The following GPM6A variants were observed in gnomAD, a reference collection of about 807,000 sequenced individuals.
GPM6A encodes neuronal membrane glycoprotein M6-a.
Under a neutral mutation model 32.1 loss-of-function variants are expected in GPM6A, and 7 were observed. That is an observed-to-expected ratio of 0.22 (90% confidence interval 0.12 to 0.41). The LOEUF is 0.41. GPM6A is among the 10% of genes least tolerant of loss of function. The probability of loss-of-function intolerance (pLI) is 1.00; values close to 1 mark genes in which losing one functional copy is unlikely to be tolerated. For missense variants in GPM6A, 235 were observed against 347.2 expected, an observed-to-expected ratio of 0.68 and a Z score of 2.57; for synonymous variants, 130 against 123.4, an observed-to-expected ratio of 1.05 and a Z score of -0.35.
rs537068185 is a variant in GPM6A, at chr4:175,822,263, T to C, written c.-22-10014A>G. Among the ~76,000 whole-genome samples, 7 of 152,306 alleles carry C rather than the reference T, an allele frequency of 4.6e-5. 1 individual carries two copies. In the South Asian group the frequency reaches 8.3e-4, roughly 18 times the overall value. On this transcript the variant is annotated intron_variant, in intron 1 of 7. Coordinates refer to the GPM6A transcript ENST00000280187. ...ACAGAGAATTGGTCATGATATGTAA[T>C]TGCTTTAATTTCAATTTAATATTTT...
At chr4:175,994,214 A>G (rs564568010) in intron 1 of GPM6A, among the ~76,000 whole-genome samples, 4 of 152,328 alleles carry the variant, frequency 2.6e-5, no homozygotes, top group South Asian at 2.1e-4. Context: ...AACATCACCC[A>G]AGAAGGCTGA....
intron 1 of GPM6A, among the ~76,000 whole-genome samples, chr4:175,919,665 C>T (rs6818081): frequency 0.15 from 22,994 of 152,090 alleles, 1,835 homozygotes; most frequent in African/African-American, 0.18. Flanking sequence ...CATCCATTCT[C>T]TCCTTCTCTC....
intron 1 of GPM6A, among the ~76,000 whole-genome samples, chr4:175,734,577 A>T (rs1170914919): frequency 6.6e-6 from 1 of 152,110 alleles, no homozygotes; most frequent in Non-Finnish European, 1.5e-5. Flanking sequence ...TAAAAAAAAA[A>T]AATGCTATAT....
At chr4:175,825,169 T>A (rs1178566690) in intron 1 of GPM6A, among the ~76,000 whole-genome samples, 1 of 152,194 alleles carries the variant, frequency 6.6e-6, no homozygotes, top group East Asian at 1.9e-4. Flanking sequence ...TAAAAACCAT[T>A]ATCCTTAAAA....
At chr4:175,837,958 T>C (rs1259382359) in intron 1 of GPM6A, among the ~76,000 whole-genome samples, 1 of 151,996 alleles carries the variant, frequency 6.6e-6, no homozygotes. Context: ...GTACAACTTT[T>C]GAATAAAATC....
chr4:175,736,919 T>G (rs79419353), intron 1 of GPM6A, among the ~76,000 whole-genome samples: 6,753 of 152,274 alleles, frequency 0.044, 192 homozygotes, highest in Non-Finnish European at 0.063. Context: ...TCACATATCT[T>G]TGGTGATGCT....
chr4:175,688,189 T>A (rs1744099271), intron 2 of GPM6A, among the ~76,000 whole-genome samples: 1 of 152,206 alleles, frequency 6.6e-6, no homozygotes, highest in Admixed American at 6.5e-5. Flanking sequence ...GCACAGAAGC[T>A]TTTCAGCTCC....
chr4:175,722,602 G>A (rs1746197296), intron 1 of GPM6A, among the ~76,000 whole-genome samples: 1 of 152,010 alleles, frequency 6.6e-6, no homozygotes, highest in Non-Finnish European at 1.5e-5. Context: ...TTACCAACCT[G>A]TGAGTGGACC....
At chr4:175,806,657 A>G (rs1325195475) in intron 1 of GPM6A, among the ~76,000 whole-genome samples, 1 of 152,230 alleles carries the variant, frequency 6.6e-6, no homozygotes, top group Non-Finnish European at 1.5e-5. Context: ...ACGAATATCT[A>G]TTGAACTTTA....
intron 1 of GPM6A, among the ~76,000 whole-genome samples, chr4:175,861,534 T>C (rs1182495295): frequency 6.6e-6 from 1 of 151,434 alleles, no homozygotes; most frequent in Non-Finnish European, 1.5e-5. Context: ...GGCAAATCAC[T>C]TGAGGTCAAG....
intron 1 of GPM6A, among the ~76,000 whole-genome samples, chr4:175,715,970 C>T (rs1745822129): frequency 6.6e-6 from 1 of 152,068 alleles, no homozygotes; most frequent in African/African-American, 2.4e-5. Flanking sequence ...GAGGCTGAGG[C>T]AGGAGAATAG....
intron 4 of GPM6A, among the ~76,000 whole-genome samples, chr4:175,645,185 T>A (rs947543370): frequency 6.6e-5 from 10 of 152,110 alleles, no homozygotes; most frequent in African/African-American, 2.4e-4. Context: ...AGGGAGGACT[T>A]GATGCATGAA....
intron 1 of GPM6A, among the ~76,000 whole-genome samples, chr4:175,946,719 C>T (rs961313473): frequency 2.0e-5 from 3 of 152,046 alleles, no homozygotes; most frequent in East Asian, 1.9e-4. Context: ...CAGGGCAGGA[C>T]GATGCCAGGC....
intron 1 of GPM6A, among the ~76,000 whole-genome samples, chr4:175,824,469 C>T (rs1735372569): frequency 6.6e-6 from 1 of 152,158 alleles, no homozygotes; most frequent in African/African-American, 2.4e-5. Context: ...GATTTATTTC[C>T]TCTCTCTGAC....
chr4:175,859,273 T>C (rs1177636314), intron 1 of GPM6A, among the ~76,000 whole-genome samples: 1 of 152,144 alleles, frequency 6.6e-6, no homozygotes, highest in African/African-American at 2.4e-5. Context: ...ATATGACTAG[T>C]CACAAAGAAA....
intron 1 of GPM6A, among the ~76,000 whole-genome samples, chr4:175,907,786 A>G (rs964611445): frequency 7.2e-5 from 11 of 152,174 alleles, no homozygotes; most frequent in Non-Finnish European, 1.5e-4. Flanking sequence ...TTACTTCTTC[A>G]TCAAACCTAG....
intron 1 of GPM6A, among the ~76,000 whole-genome samples, chr4:175,861,773 C>T (rs1211139104): frequency 1.6e-5 from 2 of 122,170 alleles, no homozygotes; most frequent in Non-Finnish European, 3.5e-5. Context: ...AAAAAAAGAA[C>T]ATGTATACAT....
At chr4:175,876,675 G>A (rs1214260002) in intron 1 of GPM6A, among the ~76,000 whole-genome samples, 1 of 152,144 alleles carries the variant, frequency 6.6e-6, no homozygotes. Flanking sequence ...ATGAAAGTGG[G>A]AAAATTTCTC....
chr4:175,650,274 A>T (rs1261029752), intron 4 of GPM6A, among the ~76,000 whole-genome samples: 56 of 4,786 alleles, frequency 0.012, no homozygotes, highest in African/African-American at 0.013. Context: ...TCATTATTTT[A>T]TTTATTTATT....
Sources: allele counts gnomAD v4.1 joint callset (sites outside exome capture counted in the v4.1 genomes callset), GRCh38; gene constraint gnomAD v4.1.1; transcripts MANE v1.5; gene names NCBI Gene and HGNC (gene_info 2026-07-23, HGNC 2026-07-21).